Variants in ZNF891 observed in about 807,000 individuals in gnomAD.
The protein encoded by ZNF891 is zinc finger protein 891.
For missense variants in ZNF891, 589 were observed against 632.7 expected (o/e 0.93, Z 0.74); for synonymous variants, 199 against 209.0 (o/e 0.95, Z 0.41).
rs1235985379 is a variant in ZNF891, at chr12:133,114,904, A to C, written c.*5380T>G. 1 of 152,264 alleles carries C rather than the reference A, an allele frequency of 6.6e-6. No homozygotes were observed. Among genetic ancestry groups the C allele is most frequent in the African/African-American group, 2.4e-5 (1 of 41,480 alleles). 9.4% of individuals were successfully genotyped at this position (152,264 alleles called of 1,614,324 possible). A position where few individuals can be genotyped will look rare whatever the true frequency, so the allele number is the denominator to read the frequency against. On this transcript the variant is annotated 3_prime_UTR_variant, in exon 2 of 2. Coordinates refer to ENST00000537226, the MANE Select transcript of ZNF891 (RefSeq NM_001277291.2). ...TGTTATGTGATCAGGTTAGTACTTT[A>C]GATGGATCACCCTGGGAAGTGTAGA...
Position 133,120,146 on chromosome 12 carries a change from T to G in ZNF891, c.*138A>C. On this transcript the variant is annotated 3_prime_UTR_variant, in exon 2 of 2. Transcript: ENST00000537226. ...GCCATGGATCAAAAAAAGTCATAAT[T>G]AGTATTTACAGAAAATGTTATATTA... 1.7e-6 allele frequency: 1 copy of G among 574,126 alleles called. No individual in the cohort carries two copies. The allele number at this position is 574,126 out of a possible 1,614,324, so 35.6% of individuals were successfully genotyped here.
In ZNF891 at chr12:133,120,696, T is replaced by C. The variant is rs1420161909; in HGVS notation, c.1223A>G (p.Gln408Arg). ...HTGEKPYECN[Q>R]CGKSFGTSSY... The stretch of plus-strand genomic sequence containing the variant: ...GCTTGTGCCAAAGGATTTTCCACAC[T>C]GATTACATTCATAAGGTTTCTCTCC... Residue 408 changes from glutamine (Q) to arginine (R), a missense_variant, in exon 2 of 2, where the codon CAG becomes CGG. Physicochemically the swap from Gln to Arg is conservative, Grantham distance 43. Transcript: ENST00000537226. 6.4e-7 allele frequency: 1 copy of C among 1,563,768 alleles called. No homozygotes were observed. Among genetic ancestry groups the C allele is most frequent in the African/African-American group, 1.4e-5 (1 of 73,520 alleles).
In ZNF891 at chr12:133,121,161, G is replaced by A. The variant is rs1486089757; in HGVS notation, c.758C>T (p.Thr253Ile). The A allele has an allele frequency of 1.3e-6, 2 of 1,535,444 alleles. No individual in the cohort carries two copies. The highest frequency in any genetic ancestry group is 1.7e-6 in the Non-Finnish European group (2 of 1,146,766). Reference protein sequence around the residue: ...KLYESHECDTTLWHFQRNQTV... With the variant: ...KLYESHECDTILWHFQRNQTV... ...TTGATTTCTCTGAAAATGCCATAGAGTTGTATCACATTCATGACTTTCATA... is the reference window on the plus strand; with the variant it reads ...TTGATTTCTCTGAAAATGCCATAGAATTGTATCACATTCATGACTTTCATA... The change falls in exon 2 of 2, where the codon ACT (threonine) becomes ATT (isoleucine). Residue 253 changes from threonine to isoleucine, a missense_variant. Transcript: ENST00000537226.
Position 133,118,868 on chromosome 12 carries a change from TTC to T in ZNF891, c.*1414_*1415del, listed in dbSNP as rs1265490148. 2 of 152,166 alleles carry T rather than the reference TTC, an allele frequency of 1.3e-5. No homozygotes were observed. Among genetic ancestry groups the T allele is most frequent in the African/African-American group, 4.8e-5 (2 of 41,436 alleles). The allele number at this position is 152,166 out of a possible 1,614,324, so 9.4% of individuals were successfully genotyped here. ...ACATAAAACATTTAACTGTATATACTTCTGTTTTTCTACAATATGGTGACTGC... is the reference window on the plus strand; with the variant it reads ...ACATAAAACATTTAACTGTATATACTTGTTTTTCTACAATATGGTGACTGC... On this transcript the variant is annotated 3_prime_UTR_variant, in exon 2 of 2. Coordinates refer to ENST00000537226, the MANE Select transcript of ZNF891 (RefSeq NM_001277291.2).
At position 133,120,764 on chromosome 12, in the gene ZNF891, G is replaced by A. The variant is rs1955748616; in HGVS notation, c.1155C>T (p.Phe385=). The A allele has an allele frequency of 6.4e-7, 1 of 1,569,062 alleles. No homozygotes were observed. Among genetic ancestry groups the A allele is most frequent in the South Asian group, 1.2e-5 (1 of 85,676 alleles). Residue 385 remains phenylalanine (F), a synonymous_variant, in exon 2 of 2, where the codon TTC becomes TTT. Coordinates refer to ENST00000537226, the MANE Select transcript of ZNF891 (RefSeq NM_001277291.2). The stretch of plus-strand genomic sequence containing the variant: ...GAGCCTTAAGGGATGTTTTTTGACT[G>A]AAAGCTTTTCCACATTGATTACATT... ...PYECNQCGKA[F]SQKTSLKAHM... is the part of the protein sequence containing the mutation.
chr12:133,106,498 T>C lies in ZNF891; in HGVS notation c.*13786A>G. 2 of 1,614,096 alleles carry C rather than the reference T, an allele frequency of 1.2e-6. No individual in the cohort carries two copies. Among genetic ancestry groups the C allele is most frequent in the Non-Finnish European group, 1.7e-6 (2 of 1,180,002 alleles). ...CCCTCATTCTACATCAGAGAACTCATACTGGAGAGAAACCCTATGTATGTA... is the reference window on the plus strand; with the variant it reads ...CCCTCATTCTACATCAGAGAACTCACACTGGAGAGAAACCCTATGTATGTA... On this transcript the variant is annotated 3_prime_UTR_variant, in exon 2 of 2. Coordinates refer to ENST00000537226, the MANE Select transcript of ZNF891 (RefSeq NM_001277291.2).
Position 133,105,926 on chromosome 12 carries a change from C to T in ZNF891, c.*14358G>A. The T allele has an allele frequency of 6.2e-7, 1 of 1,614,134 alleles. No homozygotes were observed. Among genetic ancestry groups the T allele is most frequent in the Admixed American group, 1.7e-5 (1 of 60,018 alleles). ...AATGATACATACTGGAAAGAAACCC[C>T]ATGAGTGTAAGGACTGTAATAAAAC... On this transcript the variant is annotated 3_prime_UTR_variant, in exon 2 of 2. Coordinates refer to ENST00000537226, the MANE Select transcript of ZNF891 (RefSeq NM_001277291.2).
rs1040437920 is a variant in ZNF891 at position 133,108,004 on chromosome 12, A to G, written c.*12280T>C. 3 of 152,232 alleles carry G rather than the reference A, an allele frequency of 2.0e-5. No homozygotes were observed. The highest frequency in any genetic ancestry group is 6.5e-5 in the Admixed American group (1 of 15,288). 9.4% of individuals were successfully genotyped at this position (152,232 alleles called of 1,614,324 possible). On this transcript the variant is annotated 3_prime_UTR_variant, in exon 2 of 2. Transcript: ENST00000537226. ...CAAAAACACCTTATTTACATGTACT[A>G]GAGTTCTAAATACATTATCAGAAGT...
intron 1 of ZNF891, among the ~76,000 whole-genome samples, chr12:133,123,395 C>T (rs1402079213): frequency 1.3e-5 from 2 of 152,140 alleles, no homozygotes; most frequent in East Asian, 3.8e-4. Flanking sequence ...ATTTTTTCCA[C>T]ACCCACACCC....
intron 1 of ZNF891, among the ~76,000 whole-genome samples, chr12:133,122,812 T>G (rs939054818): frequency 6.6e-6 from 1 of 152,220 alleles, no homozygotes; most frequent in African/African-American, 2.4e-5. Flanking sequence ...TCTATGATAA[T>G]TTATTCTATC....
In ZNF891 at chr12:133,108,494, GTCA is replaced by G. The variant is rs1955655250; in HGVS notation, c.*11787_*11789del. 1 of 152,012 alleles carries G rather than the reference GTCA, an allele frequency of 6.6e-6. No homozygotes were observed. Among genetic ancestry groups the G allele is most frequent in the African/African-American group, 2.4e-5 (1 of 41,350 alleles). 9.4% of individuals were successfully genotyped at this position (152,012 alleles called of 1,614,324 possible). On this transcript the variant is annotated 3_prime_UTR_variant, in exon 2 of 2. Transcript: ENST00000537226. ...ATGCACCTCATGAACTATATCAGAG[GTCA>G]TCAAGCTACAGCCCATGGGCCAGGT...
Position 133,114,219 on chromosome 12 carries a change from G to A in ZNF891, c.*6065C>T, listed in dbSNP as rs1566332815. 6.6e-6 allele frequency: 1 copy of A among 152,218 alleles called. No individual in the cohort carries two copies. The highest frequency in any genetic ancestry group is 2.4e-5 in the African/African-American group (1 of 41,452). 9.4% of individuals were successfully genotyped at this position (152,218 alleles called of 1,614,324 possible). On this transcript the variant is annotated 3_prime_UTR_variant, in exon 2 of 2. Coordinates refer to ENST00000537226, the MANE Select transcript of ZNF891 (RefSeq NM_001277291.2). ...TGAGGGAAGAGAGGAGAAGGACTAG[G>A]AGAGGGACATAATATAAATAACATT...
At position 133,120,814 on chromosome 12, in the gene ZNF891, T is replaced by C; in HGVS notation, c.1105A>G (p.Thr369Ala). The stretch of plus-strand genomic sequence containing the variant: ...TCATAGGGTTTCTCTCCAGTGTGAG[T>C]TCTTACATGTCTCCTTAAGGTTGAG... The part of the protein sequence containing the change: ...DSSTLRRHVR[T>A]HTGEKPYECN... Residue 369 changes from threonine (T) to alanine (A), a missense_variant, in exon 2 of 2, where the codon ACT becomes GCT. By Grantham distance (58) the Thr-to-Ala change is moderately conservative. Coordinates refer to ENST00000537226, the MANE Select transcript of ZNF891 (RefSeq NM_001277291.2). 1.9e-6 allele frequency: 3 copies of C among 1,566,544 alleles called. No homozygotes were observed. The highest frequency in any genetic ancestry group is 3.8e-5 in the Admixed American group (2 of 53,188).
chr12:133,120,647 T>A lies in ZNF891; in HGVS notation c.1272A>T (p.Arg424Ser), dbSNP rs1213370042. The A allele has an allele frequency of 6.4e-7, 1 of 1,559,150 alleles. No individual in the cohort carries two copies. The highest frequency in any genetic ancestry group is 1.9e-5 in the Admixed American group (1 of 51,688). ...GTSSYLIVHK[R>S]IHTGEKLYEC... ...CATAGAGTTTTTCTCCAGTGTGTAT[T>A]CTCTTGTGCACTATAAGGTAAGAGC... Residue 424 changes from arginine (R) to serine (S), a missense_variant, in exon 2 of 2, where the codon AGA becomes AGT. Arg to Ser is a moderately radical substitution (Grantham distance 110). Transcript: ENST00000537226.
chr12:133,104,899 G>A lies in ZNF891; in HGVS notation c.*15385C>T, dbSNP rs1181495847. 6.6e-6 allele frequency among the ~76,000 whole-genome samples: 1 copy of A among 152,080 alleles called. No individual in the cohort carries two copies. Among genetic ancestry groups the A allele is most frequent in the Non-Finnish European group, 1.5e-5 (1 of 68,034 alleles). ...GTGTGCAGATAATTTTGTCACCCAG[G>A]TAATCAGCATAATGCCCAATAGTCA... On this transcript the variant is annotated 3_prime_UTR_variant, in exon 2 of 2. Coordinates refer to ENST00000537226, the MANE Select transcript of ZNF891 (RefSeq NM_001277291.2).
chr12:133,121,294 T>C lies in ZNF891; in HGVS notation c.625A>G (p.Ser209Gly). 1 of 1,535,578 alleles carries C rather than the reference T, an allele frequency of 6.5e-7. No individual in the cohort carries two copies. Residue 209 changes from serine (S) to glycine (G), a missense_variant, in exon 2 of 2, where the codon AGC (serine) becomes GGC (glycine). Physicochemically the swap from Ser to Gly is moderately conservative, Grantham distance 56. Coordinates refer to ENST00000537226, the MANE Select transcript of ZNF891 (RefSeq NM_001277291.2). ...TGGCAATGTTTACTGGTGAAAATGCTCTGTGAAAAAATAAGTTTTGATCCA... is the reference window on the plus strand; with the variant it reads ...TGGCAATGTTTACTGGTGAAAATGCCCTGTGAAAAAATAAGTTTTGATCCA... Reference protein sequence around the residue: ...KLGSKLIFSQSIFTSKHCQKC... With the variant: ...KLGSKLIFSQGIFTSKHCQKC...
Position 133,120,328 on chromosome 12 carries a change from G to C in ZNF891, c.1591C>G (p.Leu531Val). The change falls in exon 2 of 2, where the codon CTT becomes GTT. Residue 531 changes from leucine to valine, a missense_variant. Transcript: ENST00000537226. ...GTATGAATTCTCTTGTGTATAATAA[G>C]TGAAGAGCTCTGACTGAAGGCTTTT... ...CGKAFSQSSS[L>V]IIHKRIHTER... is the part of the protein sequence containing the mutation. The C allele has an allele frequency of 6.4e-7, 1 of 1,561,146 alleles. No homozygotes were observed. The highest frequency in any genetic ancestry group is 8.6e-7 in the Non-Finnish European group (1 of 1,156,290).
chr12:133,127,349 C>T (rs1955827927), intron 1 of ZNF891, among the ~76,000 whole-genome samples: 1 of 152,148 alleles, frequency 6.6e-6, no homozygotes, highest in African/African-American at 2.4e-5. Context: ...TTAGAACACA[C>T]ATCATCATGA....
At chr12:133,123,354 C>G (rs998679460) in intron 1 of ZNF891, among the ~76,000 whole-genome samples, 1 of 152,156 alleles carries the variant, frequency 6.6e-6, no homozygotes, top group Non-Finnish European at 1.5e-5. Context: ...CCAAATGAAC[C>G]TATGATAATT....
Sources: allele counts gnomAD v4.1 joint callset (sites outside exome capture counted in the v4.1 genomes callset), GRCh38; gene constraint gnomAD v4.1.1; transcripts MANE v1.5; gene names NCBI Gene and HGNC (gene_info 2026-07-23, HGNC 2026-07-21).